The following ARSB variants were observed in gnomAD, a reference collection of about 807,000 sequenced individuals.
ARSB encodes N-acetylgalactosamine-4-sulfatase.
Under a neutral mutation model 50.9 loss-of-function variants are expected in ARSB, and 41 were observed. The ratio of observed to expected loss-of-function variants is 0.81; its 90% CI spans 0.63 to 1.04. The LOEUF (loss-of-function observed/expected upper bound fraction) is 1.04, where lower values mean the gene tolerates loss of function less well. Ranked by LOEUF, ARSB falls within the 50% of genes least tolerant of loss-of-function variation. ARSB has a pLI of 0.00. For missense variants in ARSB, 672 were observed against 693.3 expected, an observed-to-expected ratio of 0.97 and a Z score of 0.35; for synonymous variants, 269 against 284.8, an observed-to-expected ratio of 0.94 and a Z score of 0.56.
At chr5:78,857,678 A>G (rs1384583804) in intron 5 of ARSB, among the ~76,000 whole-genome samples, 1 of 152,168 alleles carries the variant, frequency 6.6e-6, no homozygotes, top group Non-Finnish European at 1.5e-5. Flanking sequence ...TTGCCACCGT[A>G]CAATGTTTAC....
At chr5:78,816,061 AT>A (rs769551280) in intron 6 of ARSB, 3 of 1,614,126 alleles carry the variant, frequency 1.9e-6, no homozygotes, top group Non-Finnish European at 2.5e-6. Flanking sequence ...CTGGGTTATC[AT>A]CTTCAGTAGA....
At chr5:78,889,763 T>C (rs1580005982) in intron 4 of ARSB, among the ~76,000 whole-genome samples, 1 of 152,204 alleles carries the variant, frequency 6.6e-6, no homozygotes, top group Non-Finnish European at 1.5e-5. Flanking sequence ...AATGAAACCA[T>C]GACAACAGCA....
At chr5:78,863,221 T>C (rs574393876) in intron 5 of ARSB, among the ~76,000 whole-genome samples, 2 of 152,268 alleles carry the variant, frequency 1.3e-5, no homozygotes, top group East Asian at 1.9e-4. Flanking sequence ...GATCTAGAAC[T>C]AGAAAAATCG....
chr5:78,782,247 C>T (rs1218212859), intron 6 of ARSB, among the ~76,000 whole-genome samples: 1 of 152,216 alleles, frequency 6.6e-6, no homozygotes, highest in Non-Finnish European at 1.5e-5. Context: ...CAATGTACAG[C>T]TAGCCATATG....
chr5:78,954,784 C>T (rs1316473734), intron 4 of ARSB, among the ~76,000 whole-genome samples: 2 of 152,190 alleles, frequency 1.3e-5, no homozygotes, highest in African/African-American at 2.4e-5. Context: ...GGATTACAGG[C>T]GTGAGCCACC....
chr5:78,949,093 T>C (rs1009272879), intron 4 of ARSB, among the ~76,000 whole-genome samples: 1 of 152,236 alleles, frequency 6.6e-6, no homozygotes, highest in Admixed American at 6.5e-5. Context: ...TTTTAACAAA[T>C]GCTCCACTGC....
At chr5:78,795,249 T>C (rs1743136452) in intron 6 of ARSB, among the ~76,000 whole-genome samples, 2 of 152,214 alleles carry the variant, frequency 1.3e-5, no homozygotes, top group South Asian at 2.1e-4. Context: ...GTGGCCAATG[T>C]CCACCTTGGT....
At chr5:78,909,654 C>T (rs1749215789) in intron 4 of ARSB, among the ~76,000 whole-genome samples, 1 of 152,170 alleles carries the variant, frequency 6.6e-6, no homozygotes, top group South Asian at 2.1e-4. Flanking sequence ...GGGCACAATG[C>T]ACTGCAGAAA....
chr5:78,876,013 T>C (rs1747461268), intron 5 of ARSB, among the ~76,000 whole-genome samples: 1 of 152,178 alleles, frequency 6.6e-6, no homozygotes, highest in Admixed American at 6.5e-5. Flanking sequence ...TATTCTTTCA[T>C]ATGAAAAATT....
At chr5:78,903,736 A>G (rs1471972258) in intron 4 of ARSB, among the ~76,000 whole-genome samples, 1 of 152,236 alleles carries the variant, frequency 6.6e-6, no homozygotes, top group Admixed American at 6.5e-5. Flanking sequence ...AGTTTATGGA[A>G]TCAAATGGAA....
rs1458161073 is a variant in ARSB, at chr5:78,911,851, G to A, written c.899-26024C>T. Among the ~76,000 whole-genome samples, 4 of 152,306 alleles carry A rather than the reference G, an allele frequency of 2.6e-5. No homozygotes were observed. The East Asian group carries it at 5.8e-4, about 22-fold the overall frequency. On this transcript the variant is annotated intron_variant, in intron 4 of 7. Coordinates refer to ENST00000264914, the MANE Select transcript of ARSB (RefSeq NM_000046.5). Reference sequence around the variant, plus strand: ...TAGATTAAATGATATGCAAGAGGCTGTACAGCTAGTTAGGGGCAAATCCAC... The same window carrying A: ...TAGATTAAATGATATGCAAGAGGCTATACAGCTAGTTAGGGGCAAATCCAC...
At position 78,973,593 on chromosome 5, in the gene ARSB, T is replaced by C. The variant is rs2112544681; in HGVS notation, c.313-4401A>G. Among the ~76,000 whole-genome samples, 3 of 152,340 alleles carry C rather than the reference T, an allele frequency of 2.0e-5. 1 individual carries two copies. The highest frequency in any genetic ancestry group is 2.0e-4 in the Admixed American group (3 of 15,304). ...GCTTAAAGGAGAAAATCCAATCTCTTGCTGGGGGAGAGGAAGATGGCAGCT... is the reference window on the plus strand; with the variant it reads ...GCTTAAAGGAGAAAATCCAATCTCTCGCTGGGGGAGAGGAAGATGGCAGCT... On this transcript the variant is annotated intron_variant, in intron 1 of 7. Coordinates refer to ENST00000264914, the MANE Select transcript of ARSB (RefSeq NM_000046.5).
chr5:78,856,464 T>G (rs1027829813), intron 5 of ARSB, among the ~76,000 whole-genome samples: 3 of 152,224 alleles, frequency 2.0e-5, no homozygotes, highest in African/African-American at 7.2e-5. Context: ...ATATGCCATA[T>G]AGGGATATTA....
chr5:78,985,378 T>C (rs1753143208), upstream of ARSB: 6 of 951,082 alleles, frequency 6.3e-6, no homozygotes, highest in African/African-American at 1.7e-5. Context: ...GCCGTGGGCT[T>C]GCGAGGCCGG....
rs79776661 is a variant in ARSB at position 78,789,860 on chromosome 5, A to T, written c.1214-7886T>A. On this transcript the variant is annotated intron_variant, in intron 6 of 7. Coordinates refer to ENST00000264914, the MANE Select transcript of ARSB (RefSeq NM_000046.5). ...AGAAAGGTTAAAGGCACATAGCACC[A>T]TTTGGGTCAATATGAGGAATATGTT... Among the ~76,000 whole-genome samples the T allele has an allele frequency of 1.2e-3, 185 of 152,334 alleles. 1 individual carries two copies. Among genetic ancestry groups the T allele is most frequent in the Non-Finnish European group, 2.1e-3 (140 of 68,030 alleles).
chr5:78,944,309 C>T (rs1213951913), intron 4 of ARSB, among the ~76,000 whole-genome samples: 3 of 152,184 alleles, frequency 2.0e-5, no homozygotes, highest in Non-Finnish European at 4.4e-5. Context: ...AGCTTTGTTC[C>T]GTTGCTGGTG....
intron 4 of ARSB, among the ~76,000 whole-genome samples, chr5:78,930,867 G>A (rs769854564): frequency 5.3e-5 from 8 of 152,328 alleles, no homozygotes; most frequent in Middle Eastern, 6.8e-3. Context: ...CAAGCACAGC[G>A]GGGTGGTCCC....
chr5:78,924,941 G>A (rs780842479), intron 4 of ARSB, among the ~76,000 whole-genome samples: 3 of 152,040 alleles, frequency 2.0e-5, no homozygotes, highest in African/African-American at 4.8e-5. Flanking sequence ...AAGATCCACC[G>A]ACCATTATTT....
intron 4 of ARSB, among the ~76,000 whole-genome samples, chr5:78,925,153 A>G (rs527261749): frequency 6.6e-6 from 1 of 152,294 alleles, no homozygotes; most frequent in South Asian, 2.1e-4. Flanking sequence ...CAGGATCTCC[A>G]GTTGATGGCT....
Sources: allele counts gnomAD v4.1 joint callset (sites outside exome capture counted in the v4.1 genomes callset), GRCh38; gene constraint gnomAD v4.1.1; transcripts MANE v1.5; gene names NCBI Gene and HGNC (gene_info 2026-07-23, HGNC 2026-07-21).